The following IRAK1BP1 variants were observed in gnomAD, a reference collection of about 807,000 sequenced individuals.
The protein encoded by IRAK1BP1 is interleukin-1 receptor-associated kinase 1-binding protein 1.
A neutral mutation model predicts 28.0 loss-of-function variants in IRAK1BP1; 24 were observed. The ratio of observed to expected loss-of-function variants is 0.86; its 90% CI spans 0.62 to 1.20. The LOEUF is 1.20. Among genes scored for constraint, IRAK1BP1 ranks in the 50% most tolerant of loss-of-function variants. IRAK1BP1 has a pLI of 0.00. For missense variants in IRAK1BP1, 336 were observed against 316.7 expected (o/e 1.06, Z -0.46); for synonymous variants, 131 against 116.3 (o/e 1.13, Z -0.81).
the IRAK1BP1 span, chr6:78,954,768 A>T: frequency 2.9e-5 from 36 of 1,231,760 alleles, 1 homozygote; most frequent in South Asian, 4.9e-4. Context: ...TGTAAAAGGT[A>T]TGTAGCAAAC....
At chr6:78,923,375 T>G (rs902319232) in intron 4 of IRAK1BP1, among the ~76,000 whole-genome samples, 2 of 152,158 alleles carry the variant, frequency 1.3e-5, no homozygotes, top group African/African-American at 4.8e-5. Context: ...CTAACTCACC[T>G]AAATATATAT....
the IRAK1BP1 span, among the ~76,000 whole-genome samples, chr6:78,975,502 T>C: frequency 6.6e-6 from 1 of 152,138 alleles, no homozygotes; most frequent in Non-Finnish European, 1.5e-5. Flanking sequence ...CTATTCAACA[T>C]AGTGATGGAA....
At chr6:78,925,966 A>G (rs991234699) in intron 4 of IRAK1BP1, among the ~76,000 whole-genome samples, 18 of 152,132 alleles carry the variant, frequency 1.2e-4, no homozygotes, top group Admixed American at 4.6e-4. Context: ...GTGTGTTCTT[A>G]TAAGCGGAAA....
the IRAK1BP1 span, chr6:78,978,672 A>C: frequency 6.3e-7 from 1 of 1,594,858 alleles, no homozygotes; most frequent in Non-Finnish European, 8.6e-7. Flanking sequence ...CATTCTTCTA[A>C]TGTCAAACCA....
chr6:78,957,320 A>G, the IRAK1BP1 span: 1 of 152,016 alleles, frequency 6.6e-6, no homozygotes, highest in African/African-American at 2.4e-5. Context: ...AATTACAGAC[A>G]TAAGAGTCTT....
chr6:78,947,951 T>TCCC, downstream of IRAK1BP1, among the ~76,000 whole-genome samples: 1 of 150,858 alleles, frequency 6.6e-6, no homozygotes. Context: ...TATTTCATAC[T>TCCC]CCCCCCCCTT....
chr6:78,882,448 A>G (rs1477255513), intron 1 of IRAK1BP1, among the ~76,000 whole-genome samples: 2 of 152,220 alleles, frequency 1.3e-5, no homozygotes, highest in Non-Finnish European at 2.9e-5. Context: ...GGCAAACACT[A>G]CTTTACCCAA....
the IRAK1BP1 span, among the ~76,000 whole-genome samples, chr6:78,952,971 G>A: frequency 6.6e-6 from 1 of 151,304 alleles, no homozygotes; most frequent in Non-Finnish European, 1.5e-5. Context: ...TTTTCAGGGA[G>A]AGGGTACTAA....
downstream of IRAK1BP1, among the ~76,000 whole-genome samples, chr6:78,903,564 T>TAA (rs1181324582): frequency 3.3e-5 from 5 of 151,354 alleles, no homozygotes; most frequent in Admixed American, 6.6e-5. Flanking sequence ...AACCAAAAAC[T>TAA]AAAAATAATT....
At chr6:78,911,297 C>A (rs990103915) in intron 4 of IRAK1BP1, among the ~76,000 whole-genome samples, 18 of 152,152 alleles carry the variant, frequency 1.2e-4, no homozygotes, top group Admixed American at 9.8e-4. Context: ...CAGCTTAGAA[C>A]TTTTGGTGTC....
intron 4 of IRAK1BP1, among the ~76,000 whole-genome samples, chr6:78,916,900 T>A (rs1437130065): frequency 6.6e-6 from 1 of 151,978 alleles, no homozygotes; most frequent in Non-Finnish European, 1.5e-5. Context: ...GACAGGAATG[T>A]GCCATTGCAC....
In IRAK1BP1 at chr6:78,919,136, A is replaced by C. The variant is rs187953836; in HGVS notation, c.*67+16026A>C. ...ACAAAATTAAAGCAGAAATTTAAAA[A>C]GTTCTTTAAAATAAAGGAAAACAGA... On this transcript the variant is annotated intron_variant and NMD_transcript_variant, in intron 4 of 4. Transcript: ENST00000606868. Among the ~76,000 whole-genome samples the C allele has an allele frequency of 2.6e-5, 4 of 152,380 alleles. No homozygotes were observed. The East Asian group carries it at 7.7e-4, about 29-fold the overall frequency.
intron 4 of IRAK1BP1, among the ~76,000 whole-genome samples, chr6:78,927,193 A>T (rs1162605460): frequency 6.6e-6 from 1 of 152,138 alleles, no homozygotes; most frequent in Admixed American, 6.6e-5. Flanking sequence ...TTTTCTCCAC[A>T]TCCTCGCCAA....
chr6:78,915,492 C>CTG (rs1174093201), intron 4 of IRAK1BP1, among the ~76,000 whole-genome samples: 1 of 152,176 alleles, frequency 6.6e-6, no homozygotes, highest in Non-Finnish European at 1.5e-5. Flanking sequence ...AATTTCACTG[C>CTG]TGTGTGTGTG....
At chr6:78,878,276 A>T (rs1189504909) in intron 1 of IRAK1BP1, among the ~76,000 whole-genome samples, 1 of 152,124 alleles carries the variant, frequency 6.6e-6, no homozygotes, top group East Asian at 1.9e-4. Flanking sequence ...TACGTCTCAG[A>T]GGGTGTCCAT....
chr6:78,932,928 C>T (rs528048700), intron 4 of IRAK1BP1, among the ~76,000 whole-genome samples: 6 of 152,032 alleles, frequency 3.9e-5, no homozygotes, highest in Admixed American at 3.9e-4. Context: ...TTCTGGAAAG[C>T]AGGTCTTAAC....
Position 78,877,577 on chromosome 6 carries a change from G to A in IRAK1BP1, c.316-7801G>A, listed in dbSNP as rs1468689124. On this transcript the variant is annotated intron_variant, in intron 1 of 3. Coordinates refer to ENST00000369940, the MANE Select transcript of IRAK1BP1 (RefSeq NM_001010844.4). ...TCCCAGCGTGAGCGATGCAGAAGAC[G>A]GGTGATTTCTGCATTTCCAACTGAG... Among the ~76,000 whole-genome samples the A allele has an allele frequency of 6.6e-5, 10 of 152,280 alleles. No individual in the cohort carries two copies. In the South Asian group the frequency reaches 1.7e-3, roughly 25 times the overall value.
At chr6:78,944,743 A>G (rs1422244062) in intron 4 of IRAK1BP1, among the ~76,000 whole-genome samples, 2 of 152,226 alleles carry the variant, frequency 1.3e-5, no homozygotes, top group Non-Finnish European at 2.9e-5. Context: ...GAAAGTCATG[A>G]TGCAAAATGC....
At chr6:78,932,421 C>CTTTCTT (rs750354203) in intron 4 of IRAK1BP1, among the ~76,000 whole-genome samples, 1 of 123,702 alleles carries the variant, frequency 8.1e-6, no homozygotes, top group South Asian at 2.6e-4. Context: ...CTTTCTTTTT[C>CTTTCTT]TTTTTTTTTT....
Sources: allele counts gnomAD v4.1 joint callset (sites outside exome capture counted in the v4.1 genomes callset), GRCh38; gene constraint gnomAD v4.1.1; transcripts MANE v1.5; gene names NCBI Gene and HGNC (gene_info 2026-07-23, HGNC 2026-07-21).